DUSP16: variants seen among roughly 807,000 people sequenced by gnomAD.
DUSP16 encodes the protein dual specificity phosphatase 16.
In DUSP16, 21 loss-of-function variants were observed where a neutral mutation model predicts 58.3. The ratio of observed to expected loss-of-function variants is 0.36; its 90% CI spans 0.26 to 0.52. The LOEUF (loss-of-function observed/expected upper bound fraction) is 0.52, where lower values mean the gene tolerates loss of function less well. DUSP16 is among the 20% of genes least tolerant of loss of function. DUSP16 has a pLI of 0.94. For synonymous variants in DUSP16, 320 were observed against 323.8 expected (o/e 0.99, Z 0.12); for missense variants, 726 against 819.0 (o/e 0.89, Z 1.39).
chr12:12,484,293 A>T (rs1943636430), intron 5 of DUSP16, among the ~76,000 whole-genome samples: 1 of 152,230 alleles, frequency 6.6e-6, no homozygotes, highest in African/African-American at 2.4e-5. Flanking sequence ...GTATTTGCAG[A>T]TATTACAAAT....
intron 4 of DUSP16, among the ~76,000 whole-genome samples, chr12:12,497,997 A>G (rs1009101238): frequency 6.6e-6 from 1 of 152,012 alleles, no homozygotes; most frequent in Non-Finnish European, 1.5e-5. Context: ...AAAACAAAAC[A>G]AAACACTAAT....
In DUSP16 at chr12:12,475,829, C is replaced by G. The variant is rs1943420994; in HGVS notation, c.*1004G>C. On this transcript the variant is annotated 3_prime_UTR_variant, in exon 7 of 7. Coordinates refer to ENST00000298573, the MANE Select transcript of DUSP16 (RefSeq NM_030640.3). The stretch of plus-strand genomic sequence containing the variant: ...AGTGAAGCAGAAAGGGCAAAAACAT[C>G]TGCTTTGGCTGAGAATTTGAAGGTG... The G allele has an allele frequency of 1.3e-5, 2 of 152,258 alleles. No homozygotes were observed. Among genetic ancestry groups the G allele is most frequent in the African/African-American group, 4.8e-5 (2 of 41,468 alleles). The allele number at this position is 152,258 out of a possible 1,614,324, so 9.4% of individuals were successfully genotyped here.
Position 12,500,695 on chromosome 12 carries a change from A to G in DUSP16, c.368-13T>C, listed in dbSNP as rs745749554. 12 of 1,521,228 alleles carry G rather than the reference A, an allele frequency of 7.9e-6. No individual in the cohort carries two copies. Among genetic ancestry groups the G allele is most frequent in the Non-Finnish European group, 1.1e-5 (12 of 1,140,224 alleles). The allele number at this position is 1,521,228 out of a possible 1,614,324, so 94.2% of individuals were successfully genotyped here. On this transcript the variant is annotated splice_polypyrimidine_tract_variant and intron_variant, in intron 3 of 6. Coordinates refer to ENST00000298573, the MANE Select transcript of DUSP16 (RefSeq NM_030640.3). Reference sequence around the variant, plus strand: ...TCAGCAAACCCACCTAAGAATAAACATTATAAAATTATAAAAAATTATGCC... The same window carrying G: ...TCAGCAAACCCACCTAAGAATAAACGTTATAAAATTATAAAAAATTATGCC...
chr12:12,480,606 G>C (rs926665744), intron 5 of DUSP16, among the ~76,000 whole-genome samples: 2 of 151,992 alleles, frequency 1.3e-5, no homozygotes, highest in Admixed American at 1.3e-4. Context: ...TACTAACTCA[G>C]GTTTCCTGAC....
chr12:12,544,006 T>C (rs1191572977), intron 1 of DUSP16, among the ~76,000 whole-genome samples: 1 of 152,050 alleles, frequency 6.6e-6, no homozygotes, highest in Non-Finnish European at 1.5e-5. Flanking sequence ...AACTCAAGTA[T>C]AACATATATG....
intron 1 of DUSP16, among the ~76,000 whole-genome samples, chr12:12,541,622 A>G (rs569543526): frequency 5.9e-5 from 9 of 152,336 alleles, no homozygotes; most frequent in African/African-American, 2.2e-4. Flanking sequence ...CTGACAGCCC[A>G]CTTCAGAGTG....
At position 12,517,166 on chromosome 12, in the gene DUSP16, T is replaced by C. The variant is rs547558143; in HGVS notation, c.367+2696A>G. Among the ~76,000 whole-genome samples the C allele has an allele frequency of 8.5e-5, 13 of 152,374 alleles. 1 individual carries two copies. Among genetic ancestry groups the C allele is most frequent in the African/African-American group, 2.4e-4 (10 of 41,592 alleles). On this transcript the variant is annotated intron_variant, in intron 3 of 6. Coordinates refer to ENST00000298573, the MANE Select transcript of DUSP16 (RefSeq NM_030640.3). ...GTGGGGCCACAATTCCTCACTGCCA[T>C]AGCTAATGACCATAAAAACCATCTC... is the stretch of plus-strand genomic sequence containing the variant.
At position 12,500,669 on chromosome 12, in the gene DUSP16, C is replaced by A; in HGVS notation, c.381G>T (p.Glu127Asp). Residue 127 changes from glutamate to aspartate, a missense_variant, in exon 4 of 7, where the codon GAG (glutamate) becomes GAT (aspartate). By Grantham distance (45) the Glu-to-Asp change is conservative. Coordinates refer to ENST00000298573, the MANE Select transcript of DUSP16 (RefSeq NM_030640.3). ...AGAGGCCAGGGAAACAACGAGAGAA[C>A]TCAGCAAACCCACCTAAGAATAAAC... Reference protein sequence around the residue: ...SVHLLAGGFAEFSRCFPGLCE... With the variant: ...SVHLLAGGFADFSRCFPGLCE... The A allele has an allele frequency of 6.3e-7, 1 of 1,581,166 alleles. No homozygotes were observed. Among genetic ancestry groups the A allele is most frequent in the Non-Finnish European group, 8.6e-7 (1 of 1,168,636 alleles).
At chr12:12,528,697 AT>A in intron 1 of DUSP16, among the ~76,000 whole-genome samples, 1 of 152,344 alleles carries the variant, frequency 6.6e-6, no homozygotes, top group South Asian at 2.1e-4. Flanking sequence ...TAAGTTATTA[AT>A]GTACTGCCTG....
intron 4 of DUSP16, among the ~76,000 whole-genome samples, chr12:12,495,575 G>A (rs543025192): frequency 1.3e-5 from 2 of 152,224 alleles, no homozygotes; most frequent in East Asian, 3.9e-4. Context: ...TGAGTTCTAT[G>A]ATCCTTTGAT....
At chr12:12,523,742 G>C (rs1592193379) in intron 1 of DUSP16, among the ~76,000 whole-genome samples, 1 of 152,320 alleles carries the variant, frequency 6.6e-6, no homozygotes, top group East Asian at 1.9e-4. Flanking sequence ...TGCCTGCTCA[G>C]TGACAGAGTT....
intron 1 of DUSP16, among the ~76,000 whole-genome samples, chr12:12,559,596 G>T (rs1247678339): frequency 6.6e-6 from 1 of 152,180 alleles, no homozygotes; most frequent in African/African-American, 2.4e-5. Context: ...GGAGTTCTAG[G>T]ATAAATTATT....
chr12:12,551,032 C>T (rs952097326), intron 1 of DUSP16, among the ~76,000 whole-genome samples: 1 of 152,018 alleles, frequency 6.6e-6, no homozygotes, highest in African/African-American at 2.4e-5. Flanking sequence ...AGCATTTCTG[C>T]TGCATACCTA....
At position 12,534,395 on chromosome 12, in the gene DUSP16, G is replaced by A. The variant is rs574490464; in HGVS notation, c.-365-12932C>T. 4.6e-5 allele frequency among the ~76,000 whole-genome samples: 7 copies of A among 152,350 alleles called. No homozygotes were observed. In the South Asian group the frequency reaches 1.0e-3, roughly 23 times the overall value. ...TGAAGAATCACAGCACCACAGGAAA[G>A]CAAGGACACTAAAGGCTAGCGGAGT... On this transcript the variant is annotated intron_variant, in intron 1 of 6. Coordinates refer to ENST00000298573, the MANE Select transcript of DUSP16 (RefSeq NM_030640.3).
intron 1 of DUSP16, among the ~76,000 whole-genome samples, chr12:12,543,297 G>C (rs1158961402): frequency 6.6e-6 from 1 of 152,168 alleles, no homozygotes; most frequent in Non-Finnish European, 1.5e-5. Flanking sequence ...ACCTGCTGAT[G>C]TGCTTGAGGA....
intron 1 of DUSP16, among the ~76,000 whole-genome samples, chr12:12,533,860 G>C (rs1382038155): frequency 1.3e-5 from 2 of 152,194 alleles, no homozygotes; most frequent in African/African-American, 4.8e-5. Flanking sequence ...GAGGAATTCA[G>C]TGATCACTAA....
Position 12,506,450 on chromosome 12 carries a change from C to T in DUSP16, c.368-5768G>A, listed in dbSNP as rs548819423. Among the ~76,000 whole-genome samples the T allele has an allele frequency of 4.7e-4, 71 of 152,246 alleles. No homozygotes were observed. In the South Asian group the frequency reaches 0.012, roughly 25 times the overall value. On this transcript the variant is annotated intron_variant, in intron 3 of 6. Transcript: ENST00000298573. ...CGCTATTTACTGTGAAAAGCAGTAC[C>T]GAAAAACTGATAAGCTTCTTGAAAA...
chr12:12,537,439 C>A (rs1025723455), intron 1 of DUSP16, among the ~76,000 whole-genome samples: 6 of 152,206 alleles, frequency 3.9e-5, no homozygotes, highest in Non-Finnish European at 7.3e-5. Context: ...GGCAATGTTC[C>A]TTTGCCAAAT....
intron 1 of DUSP16, among the ~76,000 whole-genome samples, chr12:12,557,516 T>A (rs1212201346): frequency 6.6e-6 from 1 of 152,064 alleles, no homozygotes; most frequent in African/African-American, 2.4e-5. Context: ...GTCACATAGG[T>A]TTCTTTTTCT....
Sources: allele counts gnomAD v4.1 joint callset (sites outside exome capture counted in the v4.1 genomes callset), GRCh38; gene constraint gnomAD v4.1.1; transcripts MANE v1.5; gene names NCBI Gene and HGNC (gene_info 2026-07-23, HGNC 2026-07-21).